The following STK24 variants were observed in gnomAD, a reference collection of about 807,000 sequenced individuals.
STK24 encodes the protein serine/threonine kinase 24.
Under a neutral mutation model 55.6 loss-of-function variants are expected in STK24, and 21 were observed. That is an observed-to-expected ratio of 0.38 (90% CI 0.27 to 0.54). The LOEUF is 0.54. Ranked by LOEUF, STK24 falls within the 20% of genes least tolerant of loss-of-function variation. The pLI is 0.79. For missense variants in STK24, 383 were observed against 538.4 expected (o/e 0.71, Z 2.86); for synonymous variants, 200 against 215.2 (o/e 0.93, Z 0.62).
intron 1 of STK24, among the ~76,000 whole-genome samples, chr13:98,539,063 C>T (rs961647248): frequency 6.6e-6 from 1 of 152,232 alleles, no homozygotes; most frequent in African/African-American, 2.4e-5. Flanking sequence ...CAGCTGTACA[C>T]AGCAGAGCAC....
rs1893012715 is a variant in STK24 at position 98,448,592 on chromosome 13, A to G, written c.*4581T>C. 1 of 406,200 alleles carries G rather than the reference A, an allele frequency of 2.5e-6. No homozygotes were observed. 25.2% of individuals were successfully genotyped at this position (406,200 alleles called of 1,614,324 possible). ...TGTCATTACGAGAGTGCCAAATGAC[A>G]TCTTCCCTCCACCCTGCCCCTGAAA... On this transcript the variant is annotated 3_prime_UTR_variant, in exon 11 of 11. Transcript: ENST00000539966.
At chr13:98,496,281 A>G (rs1439451143) in intron 2 of STK24, among the ~76,000 whole-genome samples, 6 of 152,238 alleles carry the variant, frequency 3.9e-5, no homozygotes, top group Admixed American at 1.3e-4. Flanking sequence ...CGAGGCAGCA[A>G]AAGTGGAAGG....
At chr13:98,510,649 A>G (rs1895850312) in intron 2 of STK24, among the ~76,000 whole-genome samples, 1 of 152,248 alleles carries the variant, frequency 6.6e-6, no homozygotes, top group Admixed American at 6.5e-5. Context: ...TGCCGCGTGA[A>G]ACAAACCAGA....
At chr13:98,476,432 T>A (rs192539199) in intron 3 of STK24, among the ~76,000 whole-genome samples, 30 of 152,298 alleles carry the variant, frequency 2.0e-4, no homozygotes, top group African/African-American at 7.2e-4. Context: ...TGACAGTGAA[T>A]GTCTTCACAG....
chr13:98,515,287 TCC>T (rs1430042470), intron 2 of STK24, among the ~76,000 whole-genome samples: 1 of 151,812 alleles, frequency 6.6e-6, no homozygotes, highest in Non-Finnish European at 1.5e-5. Flanking sequence ...CTACCCCATA[TCC>T]CCTACCCAAC....
intron 2 of STK24, among the ~76,000 whole-genome samples, chr13:98,507,909 A>C (rs956669579): frequency 6.6e-6 from 1 of 151,932 alleles, no homozygotes; most frequent in African/African-American, 2.4e-5. Context: ...CAACCCTAAA[A>C]CCTCTATTCC....
chr13:98,524,802 C>G (rs1255868502), intron 1 of STK24, among the ~76,000 whole-genome samples: 1 of 152,194 alleles, frequency 6.6e-6, no homozygotes, highest in African/African-American at 2.4e-5. Flanking sequence ...TTTGCCTGGA[C>G]CAAGACGGCT....
At chr13:98,521,706 T>C in intron 1 of STK24, 1 of 758,228 alleles carries the variant, frequency 1.3e-6, no homozygotes, top group Non-Finnish European at 2.5e-6. Context: ...CATCCTTTTT[T>C]AGCTATAATG....
chr13:98,532,210 A>C (rs1462233057), intron 1 of STK24, among the ~76,000 whole-genome samples: 1 of 151,872 alleles, frequency 6.6e-6, no homozygotes, highest in Admixed American at 6.6e-5. Context: ...CCTGGGTCAC[A>C]CTCACCTTTC....
intron 1 of STK24, among the ~76,000 whole-genome samples, chr13:98,563,421 C>G (rs1038602456): frequency 2.0e-5 from 3 of 152,158 alleles, no homozygotes; most frequent in Non-Finnish European, 2.9e-5. Context: ...CTGAATGACA[C>G]AAGTTGTTTT....
At chr13:98,466,262 GAAT>G (rs1395664549) in intron 6 of STK24, 111 bp downstream of exon 6, 12 of 1,046,844 alleles carry the variant, frequency 1.1e-5, no homozygotes, top group Non-Finnish European at 1.4e-5. Context: ...AAAGAAAAAT[GAAT>G]AATACCAGGA....
At chr13:98,539,200 C>T (rs1429031872) in intron 1 of STK24, among the ~76,000 whole-genome samples, 3 of 152,226 alleles carry the variant, frequency 2.0e-5, no homozygotes, top group African/African-American at 7.2e-5. Flanking sequence ...CAGCCTGCTA[C>T]AATACTAACA....
Position 98,448,331 on chromosome 13 carries a change from T to A in STK24, c.*4842A>T, listed in dbSNP as rs781447179. ...CTTGTGTATTGATGGCCGGACACAC[T>A]CGTTTCCGCAGTGGCTGCTTTCCTG... On this transcript the variant is annotated 3_prime_UTR_variant, in exon 11 of 11. Transcript: ENST00000539966. 22 of 1,594,044 alleles carry A rather than the reference T, an allele frequency of 1.4e-5. No individual in the cohort carries two copies. The highest frequency in any genetic ancestry group is 2.2e-5 in the East Asian group (1 of 44,810).
At chr13:98,480,693 T>C (rs1173774315) in intron 3 of STK24, among the ~76,000 whole-genome samples, 6 of 152,236 alleles carry the variant, frequency 3.9e-5, no homozygotes, top group African/African-American at 1.2e-4. Context: ...CAGAAGTTTA[T>C]CTTCCCAAAA....
chr13:98,551,212 G>A (rs1338959741), intron 1 of STK24, among the ~76,000 whole-genome samples: 1 of 151,886 alleles, frequency 6.6e-6, no homozygotes, highest in Non-Finnish European at 1.5e-5. Context: ...CGTGAACCCG[G>A]GAGGCGGAGC....
At chr13:98,547,802 C>T (rs1897063434) in intron 1 of STK24, among the ~76,000 whole-genome samples, 1 of 152,230 alleles carries the variant, frequency 6.6e-6, no homozygotes, top group African/African-American at 2.4e-5. Context: ...AAGGAGCAAA[C>T]TGAGAAAATA....
At position 98,450,032 on chromosome 13, in the gene STK24, T is replaced by A. The variant is rs1893111947; in HGVS notation, c.*3141A>T. The A allele has an allele frequency of 7.1e-6, 1 of 139,940 alleles. No homozygotes were observed. The highest frequency in any genetic ancestry group is 1.6e-5 in the Non-Finnish European group (1 of 61,738). 8.7% of individuals were successfully genotyped at this position (139,940 alleles called of 1,614,324 possible). A position where few individuals can be genotyped will look rare whatever the true frequency, so the allele number is the denominator to read the frequency against. On this transcript the variant is annotated 3_prime_UTR_variant, in exon 11 of 11. Coordinates refer to ENST00000539966, the MANE Select transcript of STK24 (RefSeq NM_001032296.4). ...ACAAGGCAGTCTCCTCAGCTATTTA[T>A]TTCTGAATGATTGATTGATTCCAAA...
At chr13:98,505,393 G>A (rs529670485) in intron 2 of STK24, among the ~76,000 whole-genome samples, 9 of 152,338 alleles carry the variant, frequency 5.9e-5, no homozygotes, top group African/African-American at 2.2e-4. Context: ...CAAAATTCAT[G>A]TACTATACTA....
intron 1 of STK24, among the ~76,000 whole-genome samples, chr13:98,571,371 CCAGCCG>C (rs1897734963): frequency 6.6e-6 from 1 of 152,132 alleles, no homozygotes; most frequent in Admixed American, 6.5e-5. Context: ...AGCAATGATG[CCAGCCG>C]CCACCTGCCC....
Sources: allele counts gnomAD v4.1 joint callset (sites outside exome capture counted in the v4.1 genomes callset), GRCh38; gene constraint gnomAD v4.1.1; transcripts MANE v1.5; gene names NCBI Gene and HGNC (gene_info 2026-07-23, HGNC 2026-07-21).